The following ARRDC4 variants were observed in gnomAD, a reference collection of about 807,000 sequenced individuals.
ARRDC4 encodes arrestin domain-containing protein 4.
A neutral mutation model predicts 44.6 loss-of-function variants in ARRDC4; 40 were observed. The observed-to-expected ratio is 0.90, with a 90% CI of 0.70 to 1.17. The LOEUF (loss-of-function observed/expected upper bound fraction) is 1.17. Ranked by LOEUF, ARRDC4 falls within the 50% of genes most tolerant of loss-of-function variation. The pLI is 0.00. For synonymous variants in ARRDC4, 211 were observed against 221.2 expected, an observed-to-expected ratio of 0.95 and a Z score of 0.41; for missense variants, 550 against 559.1, an observed-to-expected ratio of 0.98 and a Z score of 0.16.
intron 5 of ARRDC4, 78 bp from the exon 6 acceptor site, chr15:97,969,805 G>T: frequency 7.6e-7 from 1 of 1,323,144 alleles, no homozygotes. Flanking sequence ...ATGAAAAAAA[G>T]AAATTAATTG....
rs976809819 is a variant in ARRDC4 at position 97,971,606 on chromosome 15, C to G, written c.*419C>G. 5 of 211,740 alleles carry G rather than the reference C, an allele frequency of 2.4e-5. No homozygotes were observed. The highest frequency in any genetic ancestry group is 1.2e-4 in the African/African-American group (5 of 43,250). 13.1% of individuals were successfully genotyped at this position (211,740 alleles called of 1,614,324 possible). On this transcript the variant is annotated 3_prime_UTR_variant, in exon 8 of 8. Coordinates refer to ENST00000268042, the MANE Select transcript of ARRDC4 (RefSeq NM_183376.3). ...CTTGATTTTGGAGAGGGCAACAAAA[C>G]AAGGGTGTGTGTGCATAGGAGAATG...
chr15:97,964,808 T>C (rs1218133853), intron 1 of ARRDC4, among the ~76,000 whole-genome samples: 1 of 152,236 alleles, frequency 6.6e-6, no homozygotes, highest in Non-Finnish European at 1.5e-5. Flanking sequence ...TTTTGTGTTA[T>C]ACCCAGTATT....
rs1013300287 is a variant in ARRDC4 at position 97,973,328 on chromosome 15, T to C, written c.*2141T>C. On this transcript the variant is annotated 3_prime_UTR_variant, in exon 8 of 8. Transcript: ENST00000268042. ...AAATCATGAAGTGTCCCTGTGAAAT[T>C]GAAGTGAAACTATCTCTGTAGGACT... 7 of 152,598 alleles carry C rather than the reference T, an allele frequency of 4.6e-5. No homozygotes were observed. The highest frequency in any genetic ancestry group is 1.7e-4 in the African/African-American group (7 of 41,456). 9.5% of individuals were successfully genotyped at this position (152,598 alleles called of 1,614,324 possible). A position where few individuals can be genotyped will look rare whatever the true frequency, so the allele number is the denominator to read the frequency against.
In ARRDC4 at chr15:97,968,132, G is replaced by T; in HGVS notation, c.625+16G>T. On this transcript the variant is annotated intron_variant, in intron 4 of 7. Transcript: ENST00000268042. The surrounding 1 kb of genome is among the most constrained non-coding windows in gnomAD (Gnocchi z 5.4). ...TACTGTAATGGTAAGCAAAATGCTT[G>T]AAAGTCCAAATGAAAGATTTCATTC... 1 of 1,469,134 alleles carries T rather than the reference G, an allele frequency of 6.8e-7. No homozygotes were observed. Among genetic ancestry groups the T allele is most frequent in the Non-Finnish European group, 9.2e-7 (1 of 1,085,198 alleles). The allele number at this position is 1,469,134 out of a possible 1,614,324, so 91.0% of individuals were successfully genotyped here. A position where few individuals can be genotyped will look rare whatever the true frequency, so the allele number is the denominator to read the frequency against.
Position 97,971,189 on chromosome 15 carries a change from C to A in ARRDC4, c.*2C>A. On this transcript the variant is annotated 3_prime_UTR_variant, in exon 8 of 8. Transcript: ENST00000268042. ...CAGCCTGTTTCCTTCATTCTCTGAA[C>A]GTATTTCAGAAATCACTGTGTTCAT... 1 of 1,612,202 alleles carries A rather than the reference C, an allele frequency of 6.2e-7. No homozygotes were observed. Among genetic ancestry groups the A allele is most frequent in the Admixed American group, 1.7e-5 (1 of 59,962 alleles).
intron 1 of ARRDC4, among the ~76,000 whole-genome samples, chr15:97,963,718 G>A (rs954183945): frequency 1.4e-4 from 22 of 152,064 alleles, no homozygotes; most frequent in African/African-American, 4.8e-4. Flanking sequence ...TTCCTCCCCC[G>A]GTCTCTTTGA....
chr15:97,962,978 G>C (rs1567192953), intron 1 of ARRDC4, among the ~76,000 whole-genome samples: 1 of 152,180 alleles, frequency 6.6e-6, no homozygotes, highest in Non-Finnish European at 1.5e-5. Context: ...ACTACTTGCT[G>C]TCATTGTGAT....
rs1424731011 is a variant in ARRDC4, at chr15:97,970,893, GATTC to G, written c.1200+154_1200+157del. Reference sequence around the variant, plus strand: ...TATACAGTGGTAATAGATTATCGCTGATTCATTTGCCAGATTTTTTTACTATTGT... The same window carrying G: ...TATACAGTGGTAATAGATTATCGCTGATTTGCCAGATTTTTTTACTATTGT... On this transcript the variant is annotated intron_variant, in intron 7 of 7. Transcript: ENST00000268042. The surrounding 1 kb of genome is among the most constrained non-coding windows in gnomAD (Gnocchi z 4.2). 7.6e-6 allele frequency: 8 copies of G among 1,055,024 alleles called. No homozygotes were observed. In the African/African-American group the frequency reaches 1.1e-4, roughly 15 times the overall value. The allele number at this position is 1,055,024 out of a possible 1,614,324, so 65.4% of individuals were successfully genotyped here.
chr15:97,972,387 C>A lies in ARRDC4; in HGVS notation c.*1200C>A, dbSNP rs1899531402. The stretch of plus-strand genomic sequence containing the variant: ...ACATTATTCCAGTTCTTCAGTAATT[C>A]TGTTTAAACTGTGATTTTCTTTATT... On this transcript the variant is annotated 3_prime_UTR_variant, in exon 8 of 8. Coordinates refer to ENST00000268042, the MANE Select transcript of ARRDC4 (RefSeq NM_183376.3). The surrounding 1 kb of genome is among the most constrained non-coding windows in gnomAD (Gnocchi z 5.3). 6.6e-6 allele frequency: 1 copy of A among 152,568 alleles called. No homozygotes were observed. The highest frequency in any genetic ancestry group is 2.4e-5 in the African/African-American group (1 of 41,436). The allele number at this position is 152,568 out of a possible 1,614,324, so 9.5% of individuals were successfully genotyped here.
Position 97,972,319 on chromosome 15 carries a change from C to T in ARRDC4, c.*1132C>T, listed in dbSNP as rs899668297. The T allele has an allele frequency of 1.2e-4, 18 of 152,596 alleles. No homozygotes were observed. Among genetic ancestry groups the T allele is most frequent in the African/African-American group, 4.3e-4 (18 of 41,444 alleles). 9.5% of individuals were successfully genotyped at this position (152,596 alleles called of 1,614,324 possible). A position where few individuals can be genotyped will look rare whatever the true frequency, so the allele number is the denominator to read the frequency against. On this transcript the variant is annotated 3_prime_UTR_variant, in exon 8 of 8. Coordinates refer to ENST00000268042, the MANE Select transcript of ARRDC4 (RefSeq NM_183376.3). This position sits in a 1 kb window ranked among gnomAD's most constrained non-coding sequence, Gnocchi z 5.3. Reference sequence around the variant, plus strand: ...TTTAGAAAAGACACAACTTTAATTCCTGTCAAGAGACCTAGGTCTACTGAT... The same window carrying T: ...TTTAGAAAAGACACAACTTTAATTCTTGTCAAGAGACCTAGGTCTACTGAT...
At chr15:97,969,474 A>G in intron 5 of ARRDC4, 95 bp downstream of exon 5, 1 of 1,392,008 alleles carries the variant, frequency 7.2e-7, no homozygotes, top group Non-Finnish European at 9.9e-7. Flanking sequence ...TAAAAATGTC[A>G]TTTTATTTCA....
In ARRDC4 at chr15:97,960,925, C is replaced by A. The variant is rs1174122348; in HGVS notation, c.64C>A (p.Leu22Met). The A allele has an allele frequency of 2.5e-5, 36 of 1,462,474 alleles. No individual in the cohort carries two copies. The highest frequency in any genetic ancestry group is 3.2e-5 in the Non-Finnish European group (35 of 1,103,556). 90.6% of individuals were successfully genotyped at this position (1,462,474 alleles called of 1,614,324 possible). A position where few individuals can be genotyped will look rare whatever the true frequency, so the allele number is the denominator to read the frequency against. The change falls in exon 1 of 8, where the codon CTG becomes ATG. Residue 22 changes from leucine to methionine, a missense_variant. Coordinates refer to ENST00000268042, the MANE Select transcript of ARRDC4 (RefSeq NM_183376.3). Reference protein sequence around the residue: ...GAEGRVKSLGLVFEDERKGCY... With the variant: ...GAEGRVKSLGMVFEDERKGCY... ...CGAGGGCCGCGTGAAGAGCCTGGGTCTGGTGTTCGAGGACGAGCGCAAGGG... is the reference window on the plus strand; with the variant it reads ...CGAGGGCCGCGTGAAGAGCCTGGGTATGGTGTTCGAGGACGAGCGCAAGGG...
Position 97,965,692 on chromosome 15 carries a change from G to A in ARRDC4, c.374+26G>A, listed in dbSNP as rs766799528. ...GTAAGTGAAACACTACAATTTTGTG[G>A]TTATCCTTCTCTGCAGTATGTCCAT... is the stretch of plus-strand genomic sequence containing the variant. On this transcript the variant is annotated intron_variant, in intron 2 of 7. Transcript: ENST00000268042. This position sits in a 1 kb window ranked among gnomAD's most constrained non-coding sequence, Gnocchi z 5.1. 2.5e-6 allele frequency: 4 copies of A among 1,600,150 alleles called. No homozygotes were observed. The highest frequency in any genetic ancestry group is 3.4e-6 in the Non-Finnish European group (4 of 1,167,472).
chr15:97,971,075 T>TA (rs1325731177), intron 7 of ARRDC4, 56 bp from the exon 8 acceptor site: 1 of 1,552,372 alleles, frequency 6.4e-7, no homozygotes, highest in East Asian at 2.2e-5. Context: ...AAATAGGTAC[T>TA]AGAATCGTTT....
rs754516907 is a variant in ARRDC4 at position 97,965,588 on chromosome 15, A to C, written c.308-12A>C. The C allele has an allele frequency of 1.9e-6, 3 of 1,594,270 alleles. No homozygotes were observed. Among genetic ancestry groups the C allele is most frequent in the Admixed American group, 3.3e-5 (2 of 59,830 alleles). On this transcript the variant is annotated splice_polypyrimidine_tract_variant and intron_variant, in intron 1 of 7. Coordinates refer to ENST00000268042, the MANE Select transcript of ARRDC4 (RefSeq NM_183376.3). The surrounding 1 kb of genome is among the most constrained non-coding windows in gnomAD (Gnocchi z 5.1). The stretch of plus-strand genomic sequence containing the variant: ...ACTATCCTTCATTAAAATAAAATAC[A>C]ATCTCTTATAGGTGAAGGCATCATT...
Position 97,966,944 on chromosome 15 carries a change from AG to A in ARRDC4, c.522+903del, listed in dbSNP as rs1452324747. Reference sequence around the variant, plus strand: ...AAAGACAAGGAAAAAGCTAGCAGTTAGAAGTTGTTGTTTAAGTCTTATTTTC... The same window carrying A: ...AAAGACAAGGAAAAAGCTAGCAGTTAAAGTTGTTGTTTAAGTCTTATTTTC... On this transcript the variant is annotated intron_variant, in intron 3 of 7. Transcript: ENST00000268042. The surrounding 1 kb of genome is among the most constrained non-coding windows in gnomAD (Gnocchi z 4.7). 6.6e-6 allele frequency among the ~76,000 whole-genome samples: 1 copy of A among 152,008 alleles called. No individual in the cohort carries two copies. Among genetic ancestry groups the A allele is most frequent in the African/African-American group, 2.4e-5 (1 of 41,446 alleles).
At position 97,967,086 on chromosome 15, in the gene ARRDC4, G is replaced by C. The variant is rs1899429769; in HGVS notation, c.523-928G>C. 6.6e-6 allele frequency among the ~76,000 whole-genome samples: 1 copy of C among 152,212 alleles called. No individual in the cohort carries two copies. The highest frequency in any genetic ancestry group is 2.4e-5 in the African/African-American group (1 of 41,446). On this transcript the variant is annotated intron_variant, in intron 3 of 7. Transcript: ENST00000268042. The surrounding 1 kb of genome is among the most constrained non-coding windows in gnomAD (Gnocchi z 5.0). Reference sequence around the variant, plus strand: ...TCATAAAACAGCCGGCACCCAGCTGGCCTGGCTTATAGCTGGGACTTTAAC... The same window carrying C: ...TCATAAAACAGCCGGCACCCAGCTGCCCTGGCTTATAGCTGGGACTTTAAC...
chr15:97,966,550 C>T lies in ARRDC4; in HGVS notation c.522+508C>T, dbSNP rs1899422312. On this transcript the variant is annotated intron_variant, in intron 3 of 7. Transcript: ENST00000268042. The surrounding 1 kb of genome is among the most constrained non-coding windows in gnomAD (Gnocchi z 4.7). ...AACATTAAGTAAGTGCATGCAGCTG[C>T]CGCCGAGATCCTTTCACTTATCATT... Among the ~76,000 whole-genome samples, 1 of 152,110 alleles carries T rather than the reference C, an allele frequency of 6.6e-6. No homozygotes were observed. Among genetic ancestry groups the T allele is most frequent in the South Asian group, 2.1e-4 (1 of 4,820 alleles).
At position 97,961,120 on chromosome 15, in the gene ARRDC4, G is replaced by C. The variant is rs1368186926; in HGVS notation, c.259G>C (p.Glu87Gln). The C allele has an allele frequency of 6.8e-7, 1 of 1,460,108 alleles. No homozygotes were observed. The highest frequency in any genetic ancestry group is 1.5e-5 in the African/African-American group (1 of 67,572). 90.4% of individuals were successfully genotyped at this position (1,460,108 alleles called of 1,614,324 possible). ...ASTAALAVFS[E>Q]VEYLNVRLSL... Reference sequence around the variant, plus strand: ...CACCGCGGCCCTGGCTGTCTTCTCGGAGGTGGAGTACCTGAACGTGCGCCT... The same window carrying C: ...CACCGCGGCCCTGGCTGTCTTCTCGCAGGTGGAGTACCTGAACGTGCGCCT... Residue 87 changes from glutamate (E) to glutamine (Q), a missense_variant, in exon 1 of 8, where the codon GAG (glutamate) becomes CAG (glutamine). Transcript: ENST00000268042.
Sources: gnomAD v4.1 joint callset for allele counts (sites outside exome capture counted in the v4.1 genomes callset) on GRCh38, gnomAD v4.1.1 for gene constraint, Gnocchi (gnomAD v3.1) non-coding constraint, MANE v1.5 for transcripts, NCBI Gene and HGNC (gene_info 2026-07-23, HGNC 2026-07-21) for gene names.